PAF1: variants seen among roughly 807,000 people sequenced by gnomAD.
PAF1 encodes RNA polymerase II-associated factor 1 homolog.
Under a neutral mutation model 68.4 loss-of-function variants are expected in PAF1, and 31 were observed. That is an observed-to-expected ratio of 0.45 (90% CI 0.34 to 0.61). The LOEUF (loss-of-function observed/expected upper bound fraction) is 0.61. Ranked by LOEUF, PAF1 falls within the 20% of genes least tolerant of loss-of-function variation. PAF1 has a pLI of 0.01. For synonymous variants in PAF1, 256 were observed against 240.5 expected, an observed-to-expected ratio of 1.06 and a Z score of -0.60; for missense variants, 435 against 692.9, an observed-to-expected ratio of 0.63 and a Z score of 4.18.
rs375494638 is a variant in PAF1 at position 39,386,456 on chromosome 19, C to G, written c.1183+26G>C. ...CCACTTTTCCACCCTCCCAGGGCTCCCAGAGTCTGGCCTGTCCAGATTTAC... is the reference window on the plus strand; with the variant it reads ...CCACTTTTCCACCCTCCCAGGGCTCGCAGAGTCTGGCCTGTCCAGATTTAC... On this transcript the variant is annotated intron_variant, in intron 13 of 13. Transcript: ENST00000221265. The surrounding 1 kb of genome is among the most constrained non-coding windows in gnomAD (Gnocchi z 6.1). 12 of 1,614,146 alleles carry G rather than the reference C, an allele frequency of 7.4e-6. No individual in the cohort carries two copies. The highest frequency in any genetic ancestry group is 1.0e-5 in the Non-Finnish European group (12 of 1,180,020).
In PAF1 at chr19:39,391,088, C is replaced by T. The variant is rs953063667; in HGVS notation, c.-224G>A. Reference sequence around the variant, plus strand: ...GACGGACTCGAAGCTCCGGTTCCACCAACTGCCGCCAAGACGCTGAGGACC... The same window carrying T: ...GACGGACTCGAAGCTCCGGTTCCACTAACTGCCGCCAAGACGCTGAGGACC... On this transcript the variant is annotated 5_prime_UTR_variant, in exon 1 of 14. Coordinates refer to ENST00000221265, the MANE Select transcript of PAF1 (RefSeq NM_019088.4). 4.8e-6 allele frequency: 3 copies of T among 628,452 alleles called. No individual in the cohort carries two copies. The highest frequency in any genetic ancestry group is 6.0e-5 in the Admixed American group (2 of 33,186). The allele number at this position is 628,452 out of a possible 1,614,324, so 38.9% of individuals were successfully genotyped here.
At position 39,385,753 on chromosome 19, in the gene PAF1, G is replaced by A; in HGVS notation, c.*238C>T. 1 of 603,756 alleles carries A rather than the reference G, an allele frequency of 1.7e-6. No individual in the cohort carries two copies. Among genetic ancestry groups the A allele is most frequent in the African/African-American group, 1.8e-5 (1 of 54,084 alleles). The allele number at this position is 603,756 out of a possible 1,614,324, so 37.4% of individuals were successfully genotyped here. A position where few individuals can be genotyped will look rare whatever the true frequency, so the allele number is the denominator to read the frequency against. On this transcript the variant is annotated 3_prime_UTR_variant, in exon 14 of 14. Coordinates refer to ENST00000221265, the MANE Select transcript of PAF1 (RefSeq NM_019088.4). ...TGGGAAACCATTGGCCCTGCCTCTG[G>A]CCTGTGTTTCTAAGCCTCAAGCCAA...
At chr19:39,387,085 A>G (rs1036437492) in intron 11 of PAF1, 12 of 519,816 alleles carry the variant, frequency 2.3e-5, no homozygotes, top group African/African-American at 1.7e-4. Context: ...ACAGGGACAC[A>G]TTCTGAGATA....
chr19:39,387,138 A>G (rs954903685), intron 11 of PAF1: 2 of 435,382 alleles, frequency 4.6e-6, no homozygotes, highest in Non-Finnish European at 8.8e-6. Flanking sequence ...ACAAACGTAC[A>G]TAGTATAGCC....
At position 39,385,719 on chromosome 19, in the gene PAF1, T is replaced by C. The variant is rs564509467; in HGVS notation, c.*272A>G. On this transcript the variant is annotated 3_prime_UTR_variant, in exon 14 of 14. Transcript: ENST00000221265. ...AAACGAATTCTGACCTTCGTTGTGC[T>C]ACATTTTGTGGGAAACCATTGGCCC... is the stretch of plus-strand genomic sequence containing the variant. The C allele has an allele frequency of 7.3e-6, 4 of 545,734 alleles. No individual in the cohort carries two copies. The highest frequency in any genetic ancestry group is 2.8e-5 in the South Asian group (1 of 36,116). The allele number at this position is 545,734 out of a possible 1,614,324, so 33.8% of individuals were successfully genotyped here. A position where few individuals can be genotyped will look rare whatever the true frequency, so the allele number is the denominator to read the frequency against.
In PAF1 at chr19:39,386,075, G is replaced by C; in HGVS notation, c.1512C>G (p.Pro504=). The change falls in exon 14 of 14, where the codon CCC becomes CCG. Residue 504 remains proline, a synonymous_variant. Transcript: ENST00000221265. This position sits in a 1 kb window ranked among gnomAD's most constrained non-coding sequence, Gnocchi z 6.1. ...CCTGGGCCGAGTGCTCGCTGCCACTGGGGAAGGGACTGGCGCTGCGGCTGT... is the reference window on the plus strand; with the variant it reads ...CCTGGGCCGAGTGCTCGCTGCCACTCGGGAAGGGACTGGCGCTGCGGCTGT... The part of the protein sequence containing the change: ...RSHSRSASPF[P]SGSEHSAQED... 6.2e-7 allele frequency: 1 copy of C among 1,613,968 alleles called. No homozygotes were observed. Among genetic ancestry groups the C allele is most frequent in the Non-Finnish European group, 8.5e-7 (1 of 1,180,018 alleles).
chr19:39,389,374 C>T lies in PAF1; in HGVS notation c.369G>A (p.Gln123=). 6.2e-7 allele frequency: 1 copy of T among 1,614,024 alleles called. No individual in the cohort carries two copies. ...QAPTSSKRSQ[Q]HAKVVPWMRK... ...GCATCCATGGCACCACCTTCGCGTGCTGCTGGGATCTGGGGTGGGAAATCA... is the reference window on the plus strand; with the variant it reads ...GCATCCATGGCACCACCTTCGCGTGTTGCTGGGATCTGGGGTGGGAAATCA... The change falls in exon 6 of 14, where the codon CAG becomes CAA. Residue 123 remains glutamine (Q), a synonymous_variant. Transcript: ENST00000221265. This position sits in a 1 kb window ranked among gnomAD's most constrained non-coding sequence, Gnocchi z 5.3.
In PAF1 at chr19:39,386,620, G is replaced by GT; in HGVS notation, c.1093-49dup. 1 of 1,608,410 alleles carries GT rather than the reference G, an allele frequency of 6.2e-7. No individual in the cohort carries two copies. The highest frequency in any genetic ancestry group is 8.5e-7 in the Non-Finnish European group (1 of 1,174,900). On this transcript the variant is annotated intron_variant, in intron 12 of 13. Transcript: ENST00000221265. This position sits in a 1 kb window ranked among gnomAD's most constrained non-coding sequence, Gnocchi z 6.1. ...GAGGGGAAGGAGGGTGTTCTGCTGG[G>GT]TTTTTGTCCCCCTCCTCACCTACAA...
chr19:39,389,089 T>C lies in PAF1; in HGVS notation c.567+4A>G. 3 of 1,613,034 alleles carry C rather than the reference T, an allele frequency of 1.9e-6. No homozygotes were observed. The highest frequency in any genetic ancestry group is 2.5e-6 in the Non-Finnish European group (3 of 1,178,968). ...GCCTCTCCCCATCCCAGTCCCTCAA[T>C]TACTGATTTCTGGGCATCCTCAAAA... is the stretch of plus-strand genomic sequence containing the variant. On this transcript the variant is annotated splice_donor_region_variant and intron_variant, in intron 7 of 13. Transcript: ENST00000221265. This position sits in a 1 kb window ranked among gnomAD's most constrained non-coding sequence, Gnocchi z 5.3.
rs1373702114 is a variant in PAF1, at chr19:39,385,984, C to T, written c.*7G>A. 1 of 1,613,044 alleles carries T rather than the reference C, an allele frequency of 6.2e-7. No homozygotes were observed. The highest frequency in any genetic ancestry group is 1.3e-5 in the African/African-American group (1 of 74,922). ...GGTGTCTGAACCAGCCCTGAATGCC[C>T]TGGGACTCAGTCACTGTCACTATCA... On this transcript the variant is annotated 3_prime_UTR_variant, in exon 14 of 14. Coordinates refer to ENST00000221265, the MANE Select transcript of PAF1 (RefSeq NM_019088.4).
chr19:39,389,482 C>T lies in PAF1; in HGVS notation c.357G>A (p.Lys119=), dbSNP rs2078325682. ...GTACCCATTTGCTACCCACTCACCTCTTGGAGCTGGTGGGGGCCTGAATCT... is the reference window on the plus strand; with the variant it reads ...GTACCCATTTGCTACCCACTCACCTTTTGGAGCTGGTGGGGGCCTGAATCT... The part of the protein sequence containing the change: ...EEEIQAPTSS[K]RSQQHAKVVP... The change falls in exon 5 of 14, where the codon AAG becomes AAA. Residue 119 remains lysine (K), a splice_region_variant and synonymous_variant. Coordinates refer to ENST00000221265, the MANE Select transcript of PAF1 (RefSeq NM_019088.4). This position sits in a 1 kb window ranked among gnomAD's most constrained non-coding sequence, Gnocchi z 5.3. 1 of 1,614,140 alleles carries T rather than the reference C, an allele frequency of 6.2e-7. No homozygotes were observed.
chr19:39,390,333 T>G (rs1449003982), intron 1 of PAF1, 44 bp from the exon 2 acceptor site: 1 of 1,574,156 alleles, frequency 6.4e-7, no homozygotes, highest in Admixed American at 1.8e-5. Flanking sequence ...GAGGACGGGA[T>G]TGACAGGAGA....
Position 39,386,169 on chromosome 19 carries a change from T to C in PAF1, c.1418A>G (p.Gln473Arg). The stretch of plus-strand genomic sequence containing the variant: ...ATCATTGTCACTGCCACCTTGGGCC[T>C]GTCCTCTGTCCTCATCATCAGAGTC... ...DADSDDEDRG[Q>R]AQGGSDNDSD... The change falls in exon 14 of 14, where the codon CAG (glutamine) becomes CGG (arginine). Residue 473 changes from glutamine to arginine, a missense_variant. Physicochemically the swap from Gln to Arg is conservative, Grantham distance 43. Coordinates refer to ENST00000221265, the MANE Select transcript of PAF1 (RefSeq NM_019088.4). The surrounding 1 kb of genome is among the most constrained non-coding windows in gnomAD (Gnocchi z 6.1). The C allele has an allele frequency of 6.2e-7, 1 of 1,614,170 alleles. No individual in the cohort carries two copies. The highest frequency in any genetic ancestry group is 1.1e-5 in the South Asian group (1 of 91,086).
rs768459955 is a variant in PAF1, at chr19:39,386,537, C to T, written c.1128G>A (p.Pro376=). ...ARKAQLENHE[P]EEEEEEEMET... ...CCATCTCCTCTTCCTCTTCCTCCTC[C>T]GGTTCGTGGTTTTCTAGCTGGGCCT... The change falls in exon 13 of 14, where the codon CCG becomes CCA. Residue 376 remains proline, a synonymous_variant. Transcript: ENST00000221265. This position sits in a 1 kb window ranked among gnomAD's most constrained non-coding sequence, Gnocchi z 6.1. 24 of 1,614,026 alleles carry T rather than the reference C, an allele frequency of 1.5e-5. No homozygotes were observed. The highest frequency in any genetic ancestry group is 8.8e-5 in the South Asian group (8 of 91,086).
At chr19:39,388,151 A>AT (rs1261982666) in intron 11 of PAF1, among the ~76,000 whole-genome samples, 188 bp downstream of exon 11, 2 of 151,820 alleles carry the variant, frequency 1.3e-5, no homozygotes, top group Non-Finnish European at 2.9e-5. Context: ...AAAAAAAAAG[A>AT]TTTTTTTTCT....
rs769502254 is a variant in PAF1 at position 39,388,478 on chromosome 19, G to A, written c.858-11C>T. 30 of 1,614,008 alleles carry A rather than the reference G, an allele frequency of 1.9e-5. No individual in the cohort carries two copies. Among genetic ancestry groups the A allele is most frequent in the Middle Eastern group, 1.6e-4 (1 of 6,084 alleles). Reference sequence around the variant, plus strand: ...ATTTTGTAGTCATACCTGAAGATGAGGGCACAGGTTCAGCCCCATTTCTTC... The same window carrying A: ...ATTTTGTAGTCATACCTGAAGATGAAGGCACAGGTTCAGCCCCATTTCTTC... On this transcript the variant is annotated splice_polypyrimidine_tract_variant and intron_variant, in intron 10 of 13. Coordinates refer to ENST00000221265, the MANE Select transcript of PAF1 (RefSeq NM_019088.4).
Position 39,386,489 on chromosome 19 carries a change from C to G in PAF1, c.1176G>C (p.Gly392=), listed in dbSNP as rs962280800. 1 of 1,614,052 alleles carries G rather than the reference C, an allele frequency of 6.2e-7. No individual in the cohort carries two copies. Residue 392 remains glycine, a synonymous_variant, in exon 13 of 14, where the codon GGG becomes GGC. Transcript: ENST00000221265. The surrounding 1 kb of genome is among the most constrained non-coding windows in gnomAD (Gnocchi z 6.1). ...EEMETEEKEA[G]GSDEEQEKGS... Reference sequence around the variant, plus strand: ...TGGCCTGTCCAGATTTACCTGAGCCCCCAGCTTCTTTCTCTTCTGTCTCCA... The same window carrying G: ...TGGCCTGTCCAGATTTACCTGAGCCGCCAGCTTCTTTCTCTTCTGTCTCCA...
chr19:39,390,770 C>G, intron 1 of PAF1, 48 bp downstream of exon 1: 1 of 1,544,166 alleles, frequency 6.5e-7, no homozygotes, highest in Non-Finnish European at 8.8e-7. Context: ...CAGCAGAAAC[C>G]CTCTCCCGAT....
At position 39,386,411 on chromosome 19, in the gene PAF1, G is replaced by A. The variant is rs2078250411; in HGVS notation, c.1184-8C>T. ...CCTTCTCCTGCTCCTCATCTGGAAG[G>A]GAGTGGAGAGAGATGAAACCCACTT... On this transcript the variant is annotated splice_polypyrimidine_tract_variant and splice_region_variant and intron_variant, in intron 13 of 13. Transcript: ENST00000221265. This position sits in a 1 kb window ranked among gnomAD's most constrained non-coding sequence, Gnocchi z 6.1. 2 of 1,613,886 alleles carry A rather than the reference G, an allele frequency of 1.2e-6. No homozygotes were observed. Among genetic ancestry groups the A allele is most frequent in the African/African-American group, 1.3e-5 (1 of 74,870 alleles).
Sources: allele counts gnomAD v4.1 joint callset (sites outside exome capture counted in the v4.1 genomes callset), GRCh38; gene constraint gnomAD v4.1.1; non-coding constraint Gnocchi (gnomAD v3.1); transcripts MANE v1.5; gene names NCBI Gene and HGNC (gene_info 2026-07-23, HGNC 2026-07-21).